The following USP15 variants were observed in gnomAD, a reference collection of about 807,000 sequenced individuals.
USP15 encodes the protein ubiquitin carboxyl-terminal hydrolase 15.
In USP15, 18 loss-of-function variants were observed where a neutral mutation model predicts 127.1. The observed-to-expected ratio is 0.14, with a 90% CI of 0.10 to 0.21. The LOEUF (loss-of-function observed/expected upper bound fraction) is 0.21, where lower values mean the gene tolerates loss of function less well. USP15 is among the 10% of genes least tolerant of loss of function. The pLI, the probability that USP15 is intolerant of heterozygous loss-of-function variation, is 1.00. For synonymous variants in USP15, 364 were observed against 393.7 expected (o/e 0.92, Z 0.89); for missense variants, 805 against 1,159.9 (o/e 0.69, Z 4.44).
chr12:62,278,601 A>G (rs1422222075), intron 1 of USP15: 2 of 152,190 alleles, frequency 1.3e-5, no homozygotes, highest in East Asian at 1.9e-4. Flanking sequence ...ACCATCATAT[A>G]TGTAGTTTGT....
At chr12:62,344,653 C>T (rs1000030972) in intron 6 of USP15, among the ~76,000 whole-genome samples, 1 of 152,234 alleles carries the variant, frequency 6.6e-6, no homozygotes, top group South Asian at 2.1e-4. Flanking sequence ...CCTGGCTGCC[C>T]TAGCAGAGGT....
rs1457702428 is a variant in USP15, at chr12:62,412,818, GTAAT to G, written c.*8447_*8450del. 2.6e-5 allele frequency: 4 copies of G among 152,192 alleles called. No homozygotes were observed. The highest frequency in any genetic ancestry group is 5.9e-5 in the Non-Finnish European group (4 of 68,042). The allele number at this position is 152,192 out of a possible 1,614,324, so 9.4% of individuals were successfully genotyped here. On this transcript the variant is annotated 3_prime_UTR_variant, in exon 22 of 22. Transcript: ENST00000280377. ...TGAACTTCTCAAAGTCATGAAAGTT[GTAAT>G]TAACTTCTTTCAAACTCTTGTTAAT...
At chr12:62,321,441 A>G (rs1300699379) in intron 4 of USP15, 23 bp from the exon 5 acceptor site, 4 of 1,447,000 alleles carry the variant, frequency 2.8e-6, no homozygotes, top group African/African-American at 1.4e-5. Flanking sequence ...CTATATTTAT[A>G]TATCTTTCCT....
At chr12:62,286,175 A>G (rs1324426585) in intron 1 of USP15, among the ~76,000 whole-genome samples, 1 of 152,190 alleles carries the variant, frequency 6.6e-6, no homozygotes, top group Non-Finnish European at 1.5e-5. Flanking sequence ...TGGACTCTAT[A>G]AGGAACTTAA....
intron 11 of USP15, among the ~76,000 whole-genome samples, chr12:62,385,514 C>A (rs1204549858): frequency 6.6e-6 from 1 of 151,890 alleles, no homozygotes; most frequent in African/African-American, 2.4e-5. Flanking sequence ...CAAATTTAAG[C>A]AATTTGTTTT....
intron 8 of USP15, among the ~76,000 whole-genome samples, chr12:62,364,177 T>C (rs778176833): frequency 3.3e-5 from 5 of 152,142 alleles, no homozygotes; most frequent in Admixed American, 6.5e-5. Flanking sequence ...TACATTTGAA[T>C]GGAGGAATGA....
chr12:62,302,385 T>G (rs2064343839), intron 2 of USP15, among the ~76,000 whole-genome samples: 1 of 152,254 alleles, frequency 6.6e-6, no homozygotes. Flanking sequence ...AAAAGAATTA[T>G]GTTTTTAAAT....
intron 21 of USP15, among the ~76,000 whole-genome samples, chr12:62,403,946 A>G (rs2067780270): frequency 6.6e-6 from 1 of 152,102 alleles, no homozygotes; most frequent in South Asian, 2.1e-4. Context: ...TAGAACTGTG[A>G]TACAGTTGCA....
At chr12:62,380,349 C>T (rs1262149037) in intron 8 of USP15, among the ~76,000 whole-genome samples, 1 of 151,948 alleles carries the variant, frequency 6.6e-6, no homozygotes, top group African/African-American at 2.4e-5. Flanking sequence ...TAAATGTTGA[C>T]TCTGCTTATT....
intron 6 of USP15, chr12:62,336,171 A>T: frequency 1.0e-6 from 1 of 985,418 alleles, no homozygotes; most frequent in Non-Finnish European, 1.2e-6. Flanking sequence ...GTTCAAAATT[A>T]GGTGATTCTA....
At chr12:62,263,887 A>G (rs1565796674) in intron 1 of USP15, among the ~76,000 whole-genome samples, 1 of 152,240 alleles carries the variant, frequency 6.6e-6, no homozygotes, top group Non-Finnish European at 1.5e-5. Context: ...TGATGAGACA[A>G]AAAGATAATT....
At chr12:62,299,859 A>G (rs894587598) in intron 2 of USP15, among the ~76,000 whole-genome samples, 5 of 152,200 alleles carry the variant, frequency 3.3e-5, no homozygotes, top group Non-Finnish European at 5.9e-5. Flanking sequence ...ATAGCCGTCC[A>G]AGTGGGTGTG....
intron 1 of USP15, among the ~76,000 whole-genome samples, chr12:62,289,695 ATTTGTGTG>A (rs2063897715): frequency 2.7e-5 from 1 of 37,618 alleles, no homozygotes; most frequent in South Asian, 1.1e-3. Context: ...TAGGTTGTTA[ATTTGTGTG>A]TGTGTGTGTG....
intron 1 of USP15, among the ~76,000 whole-genome samples, chr12:62,270,549 G>A (rs532127091): frequency 1.3e-5 from 2 of 151,766 alleles, no homozygotes; most frequent in Non-Finnish European, 2.9e-5. Flanking sequence ...TATATGGTCA[G>A]GGGAGGAGTT....
At chr12:62,264,823 A>T (rs4763165) in intron 1 of USP15, among the ~76,000 whole-genome samples, 187 of 152,370 alleles carry the variant, frequency 1.2e-3, no homozygotes, top group Non-Finnish European at 2.2e-3. Context: ...ATACTTAAAG[A>T]AATTTTTATA....
intron 8 of USP15, among the ~76,000 whole-genome samples, chr12:62,358,277 C>T (rs1277920348): frequency 6.6e-6 from 1 of 152,082 alleles, no homozygotes; most frequent in African/African-American, 2.4e-5. Context: ...AACTAAGCAG[C>T]ACCAATCTGA....
intron 3 of USP15, among the ~76,000 whole-genome samples, chr12:62,307,400 G>A (rs2064517641): frequency 2.0e-5 from 3 of 152,074 alleles, no homozygotes; most frequent in Admixed American, 2.0e-4. Context: ...AATCGTTATG[G>A]ACCATTGATT....
At chr12:62,353,859 A>G (rs974687532) in intron 7 of USP15, among the ~76,000 whole-genome samples, 1 of 152,002 alleles carries the variant, frequency 6.6e-6, no homozygotes, top group Non-Finnish European at 1.5e-5. Flanking sequence ...TGCATGAATT[A>G]TATTTTTTGT....
chr12:62,311,158 T>C (rs1417382861), intron 3 of USP15, among the ~76,000 whole-genome samples: 1 of 151,888 alleles, frequency 6.6e-6, no homozygotes, highest in Non-Finnish European at 1.5e-5. Flanking sequence ...TTTTCTACAC[T>C]TCAACAGGTT....
Sources: gnomAD v4.1 joint callset for allele counts (sites outside exome capture counted in the v4.1 genomes callset) on GRCh38, gnomAD v4.1.1 for gene constraint, MANE v1.5 for transcripts, NCBI Gene and HGNC (gene_info 2026-07-23, HGNC 2026-07-21) for gene names.